The following SIPA1 variants were observed in gnomAD, a reference collection of about 807,000 sequenced individuals.
The protein encoded by SIPA1 is signal-induced proliferation-associated 1, also known as signal-induced proliferation-associated protein 1.
SIPA1 carries 51 observed loss-of-function variants against 88.1 expected under a neutral mutation model. The ratio of observed to expected loss-of-function variants is 0.58; its 90% CI spans 0.46 to 0.73. The LOEUF (loss-of-function observed/expected upper bound fraction) is 0.73, where lower values mean the gene tolerates loss of function less well. SIPA1 is among the 30% of genes least tolerant of loss of function. The probability of loss-of-function intolerance (pLI) is 0.00; values close to 1 mark genes in which losing one functional copy is unlikely to be tolerated. For synonymous variants in SIPA1, 681 were observed against 664.8 expected (o/e 1.02, Z -0.37); for missense variants, 1,348 against 1,467.6 (o/e 0.92, Z 1.33).
Position 65,640,932 on chromosome 11 carries a change from G to T in SIPA1, c.11G>T (p.Trp4Leu). Residue 4 changes from tryptophan (W) to leucine (L), a missense_variant, in exon 2 of 16, where the codon TGG (tryptophan) becomes TTG (leucine). Physicochemically the swap from Trp to Leu is moderately conservative, Grantham distance 61 (BLOSUM62 -2). Coordinates refer to ENST00000534313, the MANE Select transcript of SIPA1 (RefSeq NM_006747.4). Reference protein sequence around the residue: MPMWAGGVGSPRRG... With the variant: MPMLAGGVGSPRRG... ...TCAGGCCCACAGAGCATGCCCATGT[G>T]GGCCGGCGGTGTGGGGAGCCCTCGG... is the stretch of plus-strand genomic sequence containing the variant. 6.6e-7 allele frequency: 1 copy of T among 1,518,328 alleles called. No homozygotes were observed. 94.1% of individuals were successfully genotyped at this position (1,518,328 alleles called of 1,614,324 possible).
chr11:65,647,363 CTCG>C lies in SIPA1; in HGVS notation c.2032-18_2032-16del, dbSNP rs1856147797. 1 of 1,392,188 alleles carries C rather than the reference CTCG, an allele frequency of 7.2e-7. No individual in the cohort carries two copies. Among genetic ancestry groups the C allele is most frequent in the African/African-American group, 1.5e-5 (1 of 64,994 alleles). 86.2% of individuals were successfully genotyped at this position (1,392,188 alleles called of 1,614,324 possible). A position where few individuals can be genotyped will look rare whatever the true frequency, so the allele number is the denominator to read the frequency against. On this transcript the variant is annotated intron_variant, in intron 8 of 15. Coordinates refer to ENST00000534313, the MANE Select transcript of SIPA1 (RefSeq NM_006747.4). ...CCCCACCTCCCGGCAGCCCCGCCCA[CTCG>C]TCCCGCCCCGTCCGCAGCTGGTGAG...
Position 65,646,818 on chromosome 11 carries a change from C to A in SIPA1, c.1784C>A (p.Ala595Asp), listed in dbSNP as rs1186631808. The A allele has an allele frequency of 2.6e-5, 34 of 1,292,356 alleles. No individual in the cohort carries two copies. The highest frequency in any genetic ancestry group is 2.3e-5 in the Non-Finnish European group (24 of 1,022,034). The allele number at this position is 1,292,356 out of a possible 1,614,324, so 80.1% of individuals were successfully genotyped here. Residue 595 changes from alanine to aspartate, a missense_variant, in exon 8 of 16, where the codon GCC becomes GAC. Physicochemically the swap from Ala to Asp is moderately radical, Grantham distance 126. This residue lies in a region of SIPA1 where 68 missense variants were observed against 59.0 expected (regional missense o/e 1.15). Coordinates refer to ENST00000534313, the MANE Select transcript of SIPA1 (RefSeq NM_006747.4). This position sits in a 1 kb window ranked among gnomAD's most constrained non-coding sequence, Gnocchi z 7.5. The part of the protein sequence containing the change: ...VRAAPGARVA[A>D]GAQASGPEGI... ...GCGGCGCCCGGGGCGCGGGTCGCCGCCGGGGCTCAGGCGAGCGGCCCCGAA... is the reference window on the plus strand; with the variant it reads ...GCGGCGCCCGGGGCGCGGGTCGCCGACGGGGCTCAGGCGAGCGGCCCCGAA...
At position 65,642,558 on chromosome 11, in the gene SIPA1, G is replaced by A. The variant is rs930572284; in HGVS notation, c.903G>A (p.Pro301=). 1.2e-5 allele frequency: 19 copies of A among 1,601,906 alleles called. No individual in the cohort carries two copies. The highest frequency in any genetic ancestry group is 1.7e-5 in the Admixed American group (1 of 59,400). The change falls in exon 4 of 16, where the codon CCG becomes CCA. Residue 301 remains proline, a synonymous_variant. Coordinates refer to ENST00000534313, the MANE Select transcript of SIPA1 (RefSeq NM_006747.4). The surrounding 1 kb of genome is among the most constrained non-coding windows in gnomAD (Gnocchi z 6.5). ...GGAAACTTCTGGAGCACGTGGCGCCGCAGCTGAGCCCCAGCTGCCTGCGCC... is the reference window on the plus strand; with the variant it reads ...GGAAACTTCTGGAGCACGTGGCGCCACAGCTGAGCCCCAGCTGCCTGCGCC... The part of the protein sequence containing the change: ...SPRKLLEHVA[P]QLSPSCLRLG...
In SIPA1 at chr11:65,646,226, C is replaced by G; in HGVS notation, c.1269C>G (p.Leu423=). Residue 423 remains leucine, a synonymous_variant, in exon 7 of 16, where the codon CTC becomes CTG. Transcript: ENST00000534313. This position sits in a 1 kb window ranked among gnomAD's most constrained non-coding sequence, Gnocchi z 7.5. Reference sequence around the variant, plus strand: ...CCCTACTATCCAACCCCTAGCTCCTCCGGAAGCGCCACATTGGCAACGACA... The same window carrying G: ...CCCTACTATCCAACCCCTAGCTCCTGCGGAAGCGCCACATTGGCAACGACA... ...PYTPNNQQQL[L]RKRHIGNDIV... 1.2e-6 allele frequency: 2 copies of G among 1,613,976 alleles called. No homozygotes were observed. The highest frequency in any genetic ancestry group is 1.7e-6 in the Non-Finnish European group (2 of 1,179,990).
chr11:65,649,589 C>G lies in SIPA1; in HGVS notation c.2554C>G (p.Pro852Ala), dbSNP rs1023728373. The G allele has an allele frequency of 3.7e-6, 6 of 1,614,126 alleles. No individual in the cohort carries two copies. The highest frequency in any genetic ancestry group is 1.3e-5 in the African/African-American group (1 of 75,054). ...TCTGTCGGATGAGGCCCCAGTCCTG[C>G]CCAACACCACCCCGGACCTCCTCCT... Reference protein sequence around the residue: ...SSLSDEAPVLPNTTPDLLLAT... With the variant: ...SSLSDEAPVLANTTPDLLLAT... The change falls in exon 11 of 16, where the codon CCC (proline) becomes GCC (alanine). Residue 852 changes from proline (P) to alanine (A), a missense_variant. By Grantham distance (27) the Pro-to-Ala change is conservative (BLOSUM62 -1). Coordinates refer to ENST00000534313, the MANE Select transcript of SIPA1 (RefSeq NM_006747.4).
In SIPA1 at chr11:65,645,149, G is replaced by A. The variant is rs1439173845; in HGVS notation, c.1159+20G>A. 1.2e-6 allele frequency: 2 copies of A among 1,609,972 alleles called. No homozygotes were observed. Among genetic ancestry groups the A allele is most frequent in the South Asian group, 1.1e-5 (1 of 90,572 alleles). Reference sequence around the variant, plus strand: ...CCAAAAGTGAGGCCCAGGGGCAGGAGGGGTGGGAGCAGATCTGTGCTGAAG... The same window carrying A: ...CCAAAAGTGAGGCCCAGGGGCAGGAAGGGTGGGAGCAGATCTGTGCTGAAG... On this transcript the variant is annotated intron_variant, in intron 5 of 15. Transcript: ENST00000534313.
chr11:65,645,761 C>T, intron 5 of SIPA1, 93 bp from the exon 6 acceptor site: 1 of 791,362 alleles, frequency 1.3e-6, no homozygotes, highest in Non-Finnish European at 2.0e-6. Context: ...GTTTGGGGCA[C>T]AGAGGCTCCT....
Position 65,649,589 on chromosome 11 carries a change from C to T in SIPA1, c.2554C>T (p.Pro852Ser), listed in dbSNP as rs1023728373. ...SSLSDEAPVL[P>S]NTTPDLLLAT... ...TCTGTCGGATGAGGCCCCAGTCCTG[C>T]CCAACACCACCCCGGACCTCCTCCT... The change falls in exon 11 of 16, where the codon CCC (proline) becomes TCC (serine). Residue 852 changes from proline to serine, a missense_variant. Transcript: ENST00000534313. The T allele has an allele frequency of 1.2e-6, 2 of 1,614,126 alleles. No individual in the cohort carries two copies. The highest frequency in any genetic ancestry group is 1.7e-6 in the Non-Finnish European group (2 of 1,180,012).
Position 65,642,144 on chromosome 11 carries a change from G to T in SIPA1, c.680-106G>T, listed in dbSNP as rs2135510414. ...GGGACTTAGTCTAGGGTCAACATTT[G>T]GTGGTGAGATGAAGCCTAGGGCGGG... is the stretch of plus-strand genomic sequence containing the variant. On this transcript the variant is annotated intron_variant, in intron 2 of 15. Coordinates refer to ENST00000534313, the MANE Select transcript of SIPA1 (RefSeq NM_006747.4). This position sits in a 1 kb window ranked among gnomAD's most constrained non-coding sequence, Gnocchi z 6.5. The T allele has an allele frequency of 2.1e-6, 3 of 1,425,876 alleles. No homozygotes were observed. Among genetic ancestry groups the T allele is most frequent in the Non-Finnish European group, 2.8e-6 (3 of 1,057,898 alleles). The allele number at this position is 1,425,876 out of a possible 1,614,324, so 88.3% of individuals were successfully genotyped here. A position where few individuals can be genotyped will look rare whatever the true frequency, so the allele number is the denominator to read the frequency against.
intron 9 of SIPA1, 89 bp downstream of exon 9, chr11:65,647,747 A>T (rs1328684537): frequency 1.8e-6 from 2 of 1,092,946 alleles, no homozygotes; most frequent in African/African-American, 1.7e-5. Context: ...CAGCAGTTTC[A>T]GGAACCCAGT....
At position 65,649,840 on chromosome 11, in the gene SIPA1, G is replaced by T; in HGVS notation, c.2721G>T (p.Leu907Phe). Residue 907 changes from leucine (L) to phenylalanine (F), a missense_variant, in exon 12 of 16, where the codon TTG becomes TTT. Physicochemically the swap from Leu to Phe is conservative, Grantham distance 22. Around this residue, in one of 4 missense-constraint regions of SIPA1, gnomAD observed 615 missense variants for 559.8 expected, o/e 1.10. Transcript: ENST00000534313. ...GGGCCTCCTTTCTGCCACGTACCTT[G>T]TCTCTGCGGAACTCCATCAGCAGGA... ...ELRASFLPRTLSLRNSISRIM... is the reference protein window; with the variant it reads ...ELRASFLPRTFSLRNSISRIM... 1.9e-6 allele frequency: 3 copies of T among 1,614,086 alleles called. No homozygotes were observed. Among genetic ancestry groups the T allele is most frequent in the Non-Finnish European group, 2.5e-6 (3 of 1,180,036 alleles).
chr11:65,650,032 G>A lies in SIPA1; in HGVS notation c.2829G>A (p.Leu943=). Residue 943 remains leucine (L), a synonymous_variant, in exon 13 of 16, where the codon CTG becomes CTA. Transcript: ENST00000534313. ...TTGCCTCTACTTGCAACACCATTCT[G>A]GAGTCGCTGTCCCGAGAGGGTGAGG... ...SEIASTCNTI[L]ESLSREGQPI... is the part of the protein sequence containing the mutation. The A allele has an allele frequency of 1.2e-6, 2 of 1,613,968 alleles. No individual in the cohort carries two copies. The highest frequency in any genetic ancestry group is 1.7e-6 in the Non-Finnish European group (2 of 1,179,988).
At chr11:65,645,739 T>G in intron 5 of SIPA1, 115 bp from the exon 6 acceptor site, 1 of 651,834 alleles carries the variant, frequency 1.5e-6, no homozygotes, top group Non-Finnish European at 2.6e-6. Context: ...CATGACTGGT[T>G]GTCCACCTGC....
In SIPA1 at chr11:65,646,686, C is replaced by CA; in HGVS notation, c.1652_1653insA (p.Ala552GlyfsTer232). 1 of 1,542,726 alleles carries CA rather than the reference C, an allele frequency of 6.5e-7. No individual in the cohort carries two copies. Among genetic ancestry groups the CA allele is most frequent in the East Asian group, 2.4e-5 (1 of 40,898 alleles). Reference sequence around the variant, plus strand: ...GAGGTGACCACTACGTCGCTGGACTCGGCTTCACGCTTCGGCCTGCCCTCC... The same window carrying CA: ...GAGGTGACCACTACGTCGCTGGACTCAGGCTTCACGCTTCGGCCTGCCCTCC... On this transcript the variant is annotated frameshift_variant, in exon 8 of 16. Transcript: ENST00000534313. LOFTEE classifies it high-confidence loss of function. This position sits in a 1 kb window ranked among gnomAD's most constrained non-coding sequence, Gnocchi z 7.5.
chr11:65,647,634 C>A lies in SIPA1; in HGVS notation c.2282C>A (p.Pro761His), dbSNP rs548965400. 2 of 1,391,636 alleles carry A rather than the reference C, an allele frequency of 1.4e-6. No homozygotes were observed. Among genetic ancestry groups the A allele is most frequent in the African/African-American group, 1.5e-5 (1 of 65,524 alleles). The allele number at this position is 1,391,636 out of a possible 1,614,324, so 86.2% of individuals were successfully genotyped here. A position where few individuals can be genotyped will look rare whatever the true frequency, so the allele number is the denominator to read the frequency against. ...APKVCVTVLPPDESGRPRRSF... is the reference protein window; with the variant it reads ...APKVCVTVLPHDESGRPRRSF... Reference sequence around the variant, plus strand: ...AAGGTCTGCGTCACCGTCCTGCCCCCCGACGAGAGCGGCCGGCCCCGCAGG... The same window carrying A: ...AAGGTCTGCGTCACCGTCCTGCCCCACGACGAGAGCGGCCGGCCCCGCAGG... The change falls in exon 9 of 16, where the codon CCC becomes CAC. Residue 761 changes from proline (P) to histidine (H), a missense_variant. Physicochemically the swap from Pro to His is moderately conservative, Grantham distance 77. Around this residue, in one of 4 missense-constraint regions of SIPA1, gnomAD observed 615 missense variants for 559.8 expected, o/e 1.10. Coordinates refer to ENST00000534313, the MANE Select transcript of SIPA1 (RefSeq NM_006747.4).
In SIPA1 at chr11:65,647,618, G is replaced by T. The variant is rs758580976; in HGVS notation, c.2266G>T (p.Val756Phe). ...QLLRSAPKVCVTVLPPDESGR... is the reference protein window; with the variant it reads ...QLLRSAPKVCFTVLPPDESGR... ...CCTGCGCTCGGCGCCCAAGGTCTGC[G>T]TCACCGTCCTGCCCCCCGACGAGAG... Residue 756 changes from valine to phenylalanine, a missense_variant, in exon 9 of 16, where the codon GTC (valine) becomes TTC (phenylalanine). Physicochemically the swap from Val to Phe is conservative, Grantham distance 50. This residue lies in a region of SIPA1 where 615 missense variants were observed against 559.8 expected (regional missense o/e 1.10). Transcript: ENST00000534313. 4.3e-6 allele frequency: 6 copies of T among 1,408,958 alleles called. No homozygotes were observed. In the South Asian group the frequency reaches 5.6e-5, roughly 13 times the overall value. The allele number at this position is 1,408,958 out of a possible 1,614,324, so 87.3% of individuals were successfully genotyped here. A position where few individuals can be genotyped will look rare whatever the true frequency, so the allele number is the denominator to read the frequency against.
rs1450041486 is a variant in SIPA1, at chr11:65,646,675, G to A, written c.1641G>A (p.Thr547=). ...TGGCCACCAACGAGGTGACCACTACGTCGCTGGACTCGGCTTCACGCTTCG... is the reference window on the plus strand; with the variant it reads ...TGGCCACCAACGAGGTGACCACTACATCGCTGGACTCGGCTTCACGCTTCG... ...QDLATNEVTT[T]SLDSASRFGL... Residue 547 remains threonine (T), a synonymous_variant, in exon 8 of 16, where the codon ACG becomes ACA. Transcript: ENST00000534313. The surrounding 1 kb of genome is among the most constrained non-coding windows in gnomAD (Gnocchi z 7.5). 2 of 1,544,676 alleles carry A rather than the reference G, an allele frequency of 1.3e-6. No individual in the cohort carries two copies. The highest frequency in any genetic ancestry group is 1.7e-6 in the Non-Finnish European group (2 of 1,147,384).
intron 9 of SIPA1, 165 bp from the exon 10 acceptor site, chr11:65,649,097 G>C: frequency 1.7e-6 from 1 of 586,350 alleles, no homozygotes; most frequent in Non-Finnish European, 3.1e-6. Flanking sequence ...TTTGAACCAT[G>C]GTCTGGAAAA....
At position 65,650,769 on chromosome 11, in the gene SIPA1, C is replaced by T. The variant is rs1856255865; in HGVS notation, c.*54C>T. Reference sequence around the variant, plus strand: ...GGCACTGTGGTCACACTGGGCCCTCCTCAGGAACTCTCCCTGCGCAGAGGC... The same window carrying T: ...GGCACTGTGGTCACACTGGGCCCTCTTCAGGAACTCTCCCTGCGCAGAGGC... On this transcript the variant is annotated 3_prime_UTR_variant, in exon 16 of 16. Transcript: ENST00000534313. 4 of 1,472,736 alleles carry T rather than the reference C, an allele frequency of 2.7e-6. No individual in the cohort carries two copies. The African/African-American group carries it at 5.6e-5, about 21-fold the overall frequency. The allele number at this position is 1,472,736 out of a possible 1,614,324, so 91.2% of individuals were successfully genotyped here.
Sources: gnomAD v4.1 joint callset for allele counts on GRCh38, gnomAD v4.1.1 for gene constraint, gnomAD v4.1.1 regional missense constraint, Gnocchi (gnomAD v3.1) non-coding constraint, MANE v1.5 for transcripts, NCBI Gene and HGNC (gene_info 2026-07-23, HGNC 2026-07-21) for gene names.